PKD1L3: variants seen among roughly 807,000 people sequenced by gnomAD.
PKD1L3 encodes polycystin 1 like 3, transient receptor potential channel interacting.
In PKD1L3, 239 loss-of-function variants were observed where a neutral mutation model predicts 184.1. The ratio of observed to expected loss-of-function variants is 1.30; its 90% CI spans 1.17 to 1.45. The LOEUF (loss-of-function observed/expected upper bound fraction) is 1.45. PKD1L3 is among the 40% of genes most tolerant of loss of function. The probability of loss-of-function intolerance (pLI) is 0.00; values close to 1 mark genes in which losing one functional copy is unlikely to be tolerated. For missense variants in PKD1L3, 2,660 were observed against 2,067.2 expected (o/e 1.29, Z -5.56); for synonymous variants, 996 against 778.8 (o/e 1.28, Z -4.64).
At chr16:71,937,024 A>C (rs2038203329) in intron 25 of PKD1L3, among the ~76,000 whole-genome samples, 1 of 152,160 alleles carries the variant, frequency 6.6e-6, no homozygotes. Flanking sequence ...AAAATGTGGC[A>C]ACCTTTATTT....
chr16:71,944,740 T>C (rs12926905), intron 22 of PKD1L3, among the ~76,000 whole-genome samples: 132,894 of 145,008 alleles, frequency 0.92, 61,093 homozygotes, highest in East Asian at 0.99. Context: ...CACTTCGTTG[T>C]CGAGGCTGGA....
intron 15 of PKD1L3, among the ~76,000 whole-genome samples, chr16:71,964,708 C>A (rs907355374): frequency 6.6e-6 from 1 of 151,938 alleles, no homozygotes; most frequent in Admixed American, 6.6e-5. Flanking sequence ...AGCTCCCTAT[C>A]CCTCCTTCCA....
At chr16:71,980,800 A>G (rs1404001565) in intron 7 of PKD1L3, among the ~76,000 whole-genome samples, 4 of 152,090 alleles carry the variant, frequency 2.6e-5, no homozygotes, top group Admixed American at 6.6e-5. Flanking sequence ...ACACTACTGC[A>G]CTCCAGCCTG....
At chr16:71,972,528 T>C (rs570748454) in intron 12 of PKD1L3, among the ~76,000 whole-genome samples, 1 of 152,092 alleles carries the variant, frequency 6.6e-6, no homozygotes, top group South Asian at 2.1e-4. Context: ...TTCAAAAATC[T>C]AAAACATTAG....
In PKD1L3 at chr16:71,942,746, C is replaced by A; in HGVS notation, c.4138G>T (p.Glu1380Ter). 3.9e-6 allele frequency: 6 copies of A among 1,551,706 alleles called. No individual in the cohort carries two copies. Among genetic ancestry groups the A allele is most frequent in the Non-Finnish European group, 5.2e-6 (6 of 1,147,004 alleles). The change falls in exon 24 of 30, where the codon GAA becomes TAA. Residue 1380 changes from glutamate to a stop codon, truncating the protein, a stop_gained. Coordinates refer to ENST00000620267, the MANE Select transcript of PKD1L3 (RefSeq NM_181536.2). LOFTEE classifies it high-confidence loss of function. ...PRTKTYEKVD[E>*]GQLAFCDNGH... ...TTATCACAAAACGCCAGCTGACCTT[C>A]GTCCACTTTCTCATAGGTCTTGGTA...
intron 24 of PKD1L3, 147 bp downstream of exon 24, chr16:71,942,413 C>T: frequency 1.5e-6 from 1 of 645,878 alleles, no homozygotes; most frequent in Non-Finnish European, 2.7e-6. Flanking sequence ...AATAAAAACA[C>T]TTTTGGAGAT....
At chr16:71,938,965 C>T (rs2038272117) in intron 24 of PKD1L3, among the ~76,000 whole-genome samples, 1 of 152,230 alleles carries the variant, frequency 6.6e-6, no homozygotes, top group Non-Finnish European at 1.5e-5. Context: ...GCTTGCCACA[C>T]TGCAAGCAAT....
Position 71,977,416 on chromosome 16 carries a change from T to C in PKD1L3, c.1579A>G (p.Met527Val), listed in dbSNP as rs2143698656. 1.3e-6 allele frequency: 2 copies of C among 1,551,654 alleles called. No homozygotes were observed. Among genetic ancestry groups the C allele is most frequent in the East Asian group, 4.9e-5 (2 of 40,918 alleles). Reference sequence around the variant, plus strand: ...GTGATTGTAAGCTGATGTGTGCTCATGTTGAGGCTGGTGGGATGGGTTTCC... The same window carrying C: ...GTGATTGTAAGCTGATGTGTGCTCACGTTGAGGCTGGTGGGATGGGTTTCC... ...SLETHPTSLN[M>V]STHQLTITVN... The change falls in exon 11 of 30, where the codon ATG becomes GTG. Residue 527 changes from methionine (M) to valine (V), a missense_variant. Physicochemically the swap from Met to Val is conservative, Grantham distance 21 (BLOSUM62 1). Transcript: ENST00000620267.
At position 71,949,414 on chromosome 16, in the gene PKD1L3, G is replaced by A. The variant is rs187796129; in HGVS notation, c.3618+369C>T. 3.1e-4 allele frequency among the ~76,000 whole-genome samples: 46 copies of A among 149,766 alleles called. 2 individuals are homozygous for A. The highest frequency in any genetic ancestry group is 2.4e-3 in the East Asian group (12 of 5,084). On this transcript the variant is annotated intron_variant, in intron 21 of 29. Coordinates refer to ENST00000620267, the MANE Select transcript of PKD1L3 (RefSeq NM_181536.2). ...GTCACCTAGGCTGGAGTACAGTGGC[G>A]CAATCACGGCTTACTGCAGCCTCGA...
intron 28 of PKD1L3, chr16:71,930,909 G>C (rs541879380): frequency 6.6e-6 from 1 of 152,164 alleles, no homozygotes; most frequent in Admixed American, 6.6e-5. Context: ...ATGCCACCCT[G>C]ATGGAAATCT....
intron 18 of PKD1L3, among the ~76,000 whole-genome samples, chr16:71,952,495 A>C (rs2038876675): frequency 6.7e-6 from 1 of 148,854 alleles, no homozygotes; most frequent in African/African-American, 2.4e-5. Context: ...CTGAGATTAC[A>C]GGCGTGAGCC....
rs774592667 is a variant in PKD1L3 at position 71,986,402 on chromosome 16, G to A, written c.653C>T (p.Thr218Ile). The change falls in exon 5 of 30, where the codon ACA (threonine) becomes ATA (isoleucine). Residue 218 changes from threonine (T) to isoleucine (I), a missense_variant. Transcript: ENST00000620267. ...GCTGCTGGGTTCAGATGCGGCTGAT[G>A]TTACCTGTGATGTGATACTTGATAG... is the stretch of plus-strand genomic sequence containing the variant. ...SVLSSITSQV[T>I]SAASEPSSQP... 6.4e-6 allele frequency: 10 copies of A among 1,551,760 alleles called. No individual in the cohort carries two copies. The South Asian group carries it at 8.3e-5, about 13-fold the overall frequency.
chr16:71,997,022 G>C (rs766913668), intron 2 of PKD1L3, among the ~76,000 whole-genome samples: 6 of 151,274 alleles, frequency 4.0e-5, no homozygotes, highest in Non-Finnish European at 8.8e-5. Context: ...ATGAGACTGA[G>C]GGAGGCTCCC....
intron 22 of PKD1L3, among the ~76,000 whole-genome samples, chr16:71,946,021 C>T (rs1471380657): frequency 2.0e-5 from 3 of 152,132 alleles, no homozygotes; most frequent in South Asian, 4.1e-4. Context: ...TACGATGGCA[C>T]GATCTTGGCT....
intron 6 of PKD1L3, 130 bp downstream of exon 6, chr16:71,983,906 G>T: frequency 1.6e-6 from 2 of 1,258,036 alleles, no homozygotes; most frequent in Non-Finnish European, 2.1e-6. Flanking sequence ...CATGTGATCC[G>T]CCCGCCTCGG....
intron 3 of PKD1L3, among the ~76,000 whole-genome samples, chr16:71,992,953 A>G (rs759339182): frequency 1.3e-5 from 2 of 152,238 alleles, no homozygotes; most frequent in Non-Finnish European, 2.9e-5. Flanking sequence ...TAAGACGACT[A>G]CTTTGTTGAT....
intron 12 of PKD1L3, among the ~76,000 whole-genome samples, chr16:71,972,503 G>A (rs751274920): frequency 8.5e-5 from 13 of 152,084 alleles, no homozygotes; most frequent in Non-Finnish European, 1.5e-4. Context: ...AGGCACCATG[G>A]CGAGACCCTG....
chr16:71,963,088 T>G, intron 16 of PKD1L3, 117 bp downstream of exon 16: 1 of 1,122,384 alleles, frequency 8.9e-7, no homozygotes, highest in Non-Finnish European at 1.2e-6. Flanking sequence ...TGCTTATGTA[T>G]GTTTGAAATA....
intron 2 of PKD1L3, among the ~76,000 whole-genome samples, chr16:71,997,859 G>A (rs187775056): frequency 1.8e-3 from 269 of 152,234 alleles, no homozygotes; most frequent in Middle Eastern, 3.4e-3. Flanking sequence ...CTTCTGCAGA[G>A]GCGAACCTCG....
Sources: allele counts gnomAD v4.1 joint callset (sites outside exome capture counted in the v4.1 genomes callset), GRCh38; gene constraint gnomAD v4.1.1; transcripts MANE v1.5; gene names NCBI Gene and HGNC (gene_info 2026-07-23, HGNC 2026-07-21).